The following WWOX variants were observed in gnomAD, a reference collection of about 807,000 sequenced individuals.
WWOX encodes the protein WW domain containing oxidoreductase.
In WWOX, 69 loss-of-function variants were observed where a neutral mutation model predicts 46.2. The ratio of observed to expected loss-of-function variants is 1.49; its 90% CI spans 1.23 to 1.82. The LOEUF is 1.82. Among genes scored for constraint, WWOX ranks in the 40% most tolerant of loss-of-function variants. The pLI, the probability that WWOX is intolerant of heterozygous loss-of-function variation, is 0.00. For synonymous variants in WWOX, 359 were observed against 202.6 expected (o/e 1.77, Z -6.56); for missense variants, 919 against 542.6 (o/e 1.69, Z -6.89).
intron 8 of WWOX, among the ~76,000 whole-genome samples, chr16:78,569,660 T>C (rs1296145302): frequency 6.6e-6 from 1 of 152,228 alleles, no homozygotes; most frequent in African/African-American, 2.4e-5. Flanking sequence ...AGACATAACA[T>C]TTTTATTAAA....
chr16:78,554,441 T>C (rs939920147), intron 8 of WWOX, among the ~76,000 whole-genome samples: 2 of 152,198 alleles, frequency 1.3e-5, no homozygotes, highest in African/African-American at 4.8e-5. Context: ...CAGTAAAACC[T>C]AGCATATGAA....
intron 8 of WWOX, among the ~76,000 whole-genome samples, chr16:79,165,749 G>T (rs1245541039): frequency 6.6e-6 from 1 of 152,170 alleles, no homozygotes; most frequent in African/African-American, 2.4e-5. Flanking sequence ...CACAGGCCAA[G>T]CTCGGCTAGT....
chr16:78,936,623 T>G (rs1461600061), intron 8 of WWOX, among the ~76,000 whole-genome samples: 1 of 152,138 alleles, frequency 6.6e-6, no homozygotes, highest in Non-Finnish European at 1.5e-5. Context: ...ACAGGCTGGA[T>G]GGGTTTTGGA....
chr16:79,164,717 G>A (rs533824443), intron 8 of WWOX, among the ~76,000 whole-genome samples: 173 of 152,266 alleles, frequency 1.1e-3, no homozygotes, highest in African/African-American at 4.0e-3. Context: ...GAGTGTCAGC[G>A]ATAATTTATT....
chr16:78,396,037 C>T (rs536000907), intron 6 of WWOX, among the ~76,000 whole-genome samples: 1 of 152,190 alleles, frequency 6.6e-6, no homozygotes, highest in African/African-American at 2.4e-5. Flanking sequence ...ACTCTACCTG[C>T]TTTCTTTCTC....
intron 8 of WWOX, among the ~76,000 whole-genome samples, chr16:78,901,209 G>C (rs1481236228): frequency 2.6e-5 from 4 of 152,194 alleles, no homozygotes; most frequent in Admixed American, 2.6e-4. Flanking sequence ...AGGAGATAAA[G>C]GAATGAAGAC....
chr16:78,670,679 T>G (rs187660194), intron 8 of WWOX, among the ~76,000 whole-genome samples: 3 of 151,792 alleles, frequency 2.0e-5, no homozygotes, highest in Admixed American at 1.3e-4. Context: ...TAAAAAAAAA[T>G]TTTTATTTAA....
chr16:78,177,514 T>C (rs916537139), intron 5 of WWOX, among the ~76,000 whole-genome samples: 1 of 152,164 alleles, frequency 6.6e-6, no homozygotes, highest in Admixed American at 6.5e-5. Context: ...ACAGCCCCCA[T>C]GGCAAGGGTG....
chr16:79,168,956 C>G (rs981400207), intron 8 of WWOX, among the ~76,000 whole-genome samples: 40 of 152,204 alleles, frequency 2.6e-4, no homozygotes, highest in Admixed American at 1.6e-3. Flanking sequence ...ACTTTGAAAA[C>G]TGGCCCACTG....
At chr16:78,115,220 T>TA in intron 4 of WWOX, 66 bp downstream of exon 4, 1 of 1,594,230 alleles carries the variant, frequency 6.3e-7, no homozygotes, top group Non-Finnish European at 8.6e-7. Context: ...GATCTAGCTA[T>TA]AATGGAATTT....
intron 8 of WWOX, among the ~76,000 whole-genome samples, chr16:78,662,852 G>C (rs754904893): frequency 2.0e-5 from 3 of 152,102 alleles, no homozygotes; most frequent in Non-Finnish European, 2.9e-5. Flanking sequence ...GTTGCCACAT[G>C]GGCCTCTGCA....
intron 8 of WWOX, among the ~76,000 whole-genome samples, chr16:79,049,141 G>T (rs972863024): frequency 6.6e-6 from 1 of 152,198 alleles, no homozygotes; most frequent in Admixed American, 6.5e-5. Flanking sequence ...TTTAGACTTT[G>T]TGACCCATAC....
intron 5 of WWOX, among the ~76,000 whole-genome samples, chr16:78,360,492 T>A (rs2081385635): frequency 6.7e-6 from 1 of 149,846 alleles, no homozygotes; most frequent in Admixed American, 6.7e-5. Flanking sequence ...GGCTGAGACA[T>A]GAGAATCACT....
At chr16:78,363,437 C>T (rs1028136769) in intron 5 of WWOX, among the ~76,000 whole-genome samples, 7 of 63,382 alleles carry the variant, frequency 1.1e-4, no homozygotes, top group African/African-American at 4.5e-4. Flanking sequence ...CCACTTCCAG[C>T]TGATTATTTA....
chr16:78,900,624 T>C (rs1459654389), intron 8 of WWOX, among the ~76,000 whole-genome samples: 1 of 152,170 alleles, frequency 6.6e-6, no homozygotes, highest in Non-Finnish European at 1.5e-5. Context: ...TAGATTTTCT[T>C]TCCAGCCTGT....
chr16:78,688,114 A>T (rs1317755013), intron 8 of WWOX, among the ~76,000 whole-genome samples: 1 of 152,022 alleles, frequency 6.6e-6, no homozygotes. Flanking sequence ...TTATTTCTAT[A>T]TATCTTAAAG....
intron 8 of WWOX, among the ~76,000 whole-genome samples, chr16:78,683,042 G>C (rs1046051168): frequency 2.0e-5 from 3 of 152,148 alleles, no homozygotes; most frequent in Non-Finnish European, 4.4e-5. Context: ...TACCTTTGGT[G>C]GGGTAGGAAG....
chr16:78,633,144 C>T (rs1051299600), intron 8 of WWOX, among the ~76,000 whole-genome samples: 1 of 152,026 alleles, frequency 6.6e-6, no homozygotes, highest in Admixed American at 6.5e-5. Flanking sequence ...TGCCTGTAAT[C>T]CCAGTTACTC....
At chr16:78,682,850 G>C (rs77904723) in intron 8 of WWOX, among the ~76,000 whole-genome samples, 9 of 152,192 alleles carry the variant, frequency 5.9e-5, no homozygotes, top group Admixed American at 5.9e-4. Flanking sequence ...GCTGCAAATA[G>C]AACAGTGGTG....
Sources: gnomAD v4.1 joint callset for allele counts (sites outside exome capture counted in the v4.1 genomes callset) on GRCh38, gnomAD v4.1.1 for gene constraint, MANE v1.5 for transcripts, NCBI Gene and HGNC (gene_info 2026-07-23, HGNC 2026-07-21) for gene names.